The following PPP5C variants were observed in gnomAD, a reference collection of about 807,000 sequenced individuals.
PPP5C encodes the protein serine/threonine-protein phosphatase 5.
Under a neutral mutation model 66.7 loss-of-function variants are expected in PPP5C, and 21 were observed. The ratio of observed to expected loss-of-function variants is 0.31; its 90% confidence interval spans 0.22 to 0.45. The LOEUF (loss-of-function observed/expected upper bound fraction) is 0.45, where lower values mean the gene tolerates loss of function less well. PPP5C is among the 20% of genes least tolerant of loss of function. PPP5C has a pLI of 1.00. For synonymous variants in PPP5C, 246 were observed against 257.4 expected, an observed-to-expected ratio of 0.96 and a Z score of 0.43; for missense variants, 464 against 675.9, an observed-to-expected ratio of 0.69 and a Z score of 3.48.
chr19:46,349,982 G>A (rs1301472819), intron 1 of PPP5C, among the ~76,000 whole-genome samples: 2 of 151,064 alleles, frequency 1.3e-5, no homozygotes, highest in East Asian at 2.0e-4. Context: ...AGTAGATTGC[G>A]CAGGGCTGTA....
At chr19:46,352,768 G>A (rs562216831) in intron 1 of PPP5C, among the ~76,000 whole-genome samples, 250 of 150,902 alleles carry the variant, frequency 1.7e-3, no homozygotes, top group African/African-American at 5.8e-3. Flanking sequence ...TGCAGTGAGC[G>A]GAGATCGCAC....
intron 1 of PPP5C, 28 bp downstream of exon 1, chr19:46,347,245 C>T (rs1007360127): frequency 2.5e-6 from 4 of 1,587,864 alleles, no homozygotes; most frequent in Admixed American, 1.8e-5. Context: ...GGAGGGTGGA[C>T]AGTGGCCCAG....
intron 2 of PPP5C, 133 bp downstream of exon 2, chr19:46,354,122 C>T: frequency 2.2e-6 from 3 of 1,355,568 alleles, no homozygotes; most frequent in Admixed American, 2.3e-5. Context: ...CCTGTGGGGC[C>T]TTGGGCCCAG....
In PPP5C at chr19:46,390,696, C is replaced by T. The variant is rs1973005966; in HGVS notation, c.*350C>T. ...CCCCACTCAAGCAATAGGGCCCCGC[C>T]ATAGGAAGACCCCCAGAGAGAGGGT... On this transcript the variant is annotated 3_prime_UTR_variant, in exon 13 of 13. Coordinates refer to ENST00000012443, the MANE Select transcript of PPP5C (RefSeq NM_006247.4). 1 of 1,200,506 alleles carries T rather than the reference C, an allele frequency of 8.3e-7. No homozygotes were observed. Among genetic ancestry groups the T allele is most frequent in the Non-Finnish European group, 1.0e-6 (1 of 952,796 alleles). The allele number at this position is 1,200,506 out of a possible 1,614,324, so 74.4% of individuals were successfully genotyped here. A position where few individuals can be genotyped will look rare whatever the true frequency, so the allele number is the denominator to read the frequency against.
Position 46,376,622 on chromosome 19 carries a change from T to A in PPP5C, c.633+48T>A. ...GGCACCCGGGAACCCTGGGATGGCATCACAGCACTGCCAGCCGCGGGCACT... is the reference window on the plus strand; with the variant it reads ...GGCACCCGGGAACCCTGGGATGGCAACACAGCACTGCCAGCCGCGGGCACT... On this transcript the variant is annotated intron_variant, in intron 4 of 12. Transcript: ENST00000012443. The surrounding 1 kb of genome is among the most constrained non-coding windows in gnomAD (Gnocchi z 5.1). The A allele has an allele frequency of 6.2e-7, 1 of 1,600,612 alleles. No individual in the cohort carries two copies. The highest frequency in any genetic ancestry group is 1.8e-4 in the Middle Eastern group (1 of 5,692).
intron 9 of PPP5C, chr19:46,387,795 G>A (rs1972917425): frequency 7.7e-6 from 9 of 1,171,082 alleles, no homozygotes; most frequent in Non-Finnish European, 8.9e-6. Context: ...TCACCCACAG[G>A]TGCACACGCA....
Position 46,388,229 on chromosome 19 carries a change from G to T in PPP5C, c.1136-179G>T. Reference sequence around the variant, plus strand: ...GGGCAGATCAGCAGAGAGGGTGGGGGTGGCTCAGAATCACAGTCACCTGTC... The same window carrying T: ...GGGCAGATCAGCAGAGAGGGTGGGGTTGGCTCAGAATCACAGTCACCTGTC... On this transcript the variant is annotated intron_variant, in intron 9 of 12. Coordinates refer to ENST00000012443, the MANE Select transcript of PPP5C (RefSeq NM_006247.4). This position sits in a 1 kb window ranked among gnomAD's most constrained non-coding sequence, Gnocchi z 4.9. 2 of 638,480 alleles carry T rather than the reference G, an allele frequency of 3.1e-6. No homozygotes were observed. The highest frequency in any genetic ancestry group is 4.7e-5 in the South Asian group (2 of 42,826). The allele number at this position is 638,480 out of a possible 1,614,324, so 39.6% of individuals were successfully genotyped here. A position where few individuals can be genotyped will look rare whatever the true frequency, so the allele number is the denominator to read the frequency against.
chr19:46,382,996 C>T lies in PPP5C; in HGVS notation c.634-415C>T, dbSNP rs150187691. On this transcript the variant is annotated intron_variant, in intron 4 of 12. Coordinates refer to ENST00000012443, the MANE Select transcript of PPP5C (RefSeq NM_006247.4). ...GCGTCCGTTGAAAGCACCAGTGTTG[C>T]CTATGACCTGCCTTTTTACCTCTTT... is the stretch of plus-strand genomic sequence containing the variant. 147 of 1,102,574 alleles carry T rather than the reference C, an allele frequency of 1.3e-4. 1 individual carries two copies. In the African/African-American group the frequency reaches 2.3e-3, roughly 17 times the overall value. 68.3% of individuals were successfully genotyped at this position (1,102,574 alleles called of 1,614,324 possible).
intron 4 of PPP5C, among the ~76,000 whole-genome samples, chr19:46,377,076 A>G (rs1972709242): frequency 6.6e-6 from 1 of 152,128 alleles, no homozygotes; most frequent in Non-Finnish European, 1.5e-5. Flanking sequence ...GGCTACAGGG[A>G]CCTTACCATA....
intron 2 of PPP5C, among the ~76,000 whole-genome samples, chr19:46,369,255 C>T (rs2147380936): frequency 6.6e-6 from 1 of 152,324 alleles, no homozygotes; most frequent in East Asian, 1.9e-4. Flanking sequence ...GCCGAGTGCT[C>T]CTAGGCTACA....
At chr19:46,368,245 G>A (rs1285168044) in intron 2 of PPP5C, among the ~76,000 whole-genome samples, 2 of 152,228 alleles carry the variant, frequency 1.3e-5, no homozygotes, top group Non-Finnish European at 2.9e-5. Flanking sequence ...CTGGAGAATG[G>A]CAGGGGATTA....
intron 1 of PPP5C, among the ~76,000 whole-genome samples, chr19:46,349,271 G>A (rs919517863): frequency 1.3e-5 from 2 of 151,968 alleles, no homozygotes; most frequent in Non-Finnish European, 2.9e-5. Flanking sequence ...TCCAGCCTGG[G>A]CAACAGACTC....
At chr19:46,362,106 C>T (rs909101997) in intron 2 of PPP5C, among the ~76,000 whole-genome samples, 3 of 152,176 alleles carry the variant, frequency 2.0e-5, no homozygotes, top group Non-Finnish European at 1.5e-5. Context: ...GTATAACCTT[C>T]CTTACCAAAA....
At position 46,388,101 on chromosome 19, in the gene PPP5C, C is replaced by T. The variant is rs572292711; in HGVS notation, c.1136-307C>T. On this transcript the variant is annotated intron_variant, in intron 9 of 12. Transcript: ENST00000012443. The surrounding 1 kb of genome is among the most constrained non-coding windows in gnomAD (Gnocchi z 4.9). ...GAGGAACTTTGTTCCTAGGGCAGTG[C>T]GGAGCCACCAAAGGCTTTGAGTGGG... 31 of 378,052 alleles carry T rather than the reference C, an allele frequency of 8.2e-5. No individual in the cohort carries two copies. In the East Asian group the frequency reaches 9.9e-4, roughly 12 times the overall value. The allele number at this position is 378,052 out of a possible 1,614,324, so 23.4% of individuals were successfully genotyped here.
rs1284098614 is a variant in PPP5C at position 46,376,974 on chromosome 19, G to C, written c.633+400G>C. Among the ~76,000 whole-genome samples the C allele has an allele frequency of 6.6e-6, 1 of 152,176 alleles. No individual in the cohort carries two copies. The highest frequency in any genetic ancestry group is 1.5e-5 in the Non-Finnish European group (1 of 68,018). On this transcript the variant is annotated intron_variant, in intron 4 of 12. Transcript: ENST00000012443. This position sits in a 1 kb window ranked among gnomAD's most constrained non-coding sequence, Gnocchi z 5.1. ...CTGAGACCACCCCCTCCCCGACCTA[G>C]GAGGGCAGCTGGCCACAGGGTGTTA...
At chr19:46,352,606 G>A (rs1205249842) in intron 1 of PPP5C, among the ~76,000 whole-genome samples, 1 of 152,156 alleles carries the variant, frequency 6.6e-6, no homozygotes, top group Non-Finnish European at 1.5e-5. Flanking sequence ...GGATCACGAG[G>A]TCAGGAGATC....
At chr19:46,354,800 A>T (rs1253716823) in intron 2 of PPP5C, among the ~76,000 whole-genome samples, 1 of 152,068 alleles carries the variant, frequency 6.6e-6, no homozygotes, top group East Asian at 1.9e-4. Flanking sequence ...CTGTCTCAAA[A>T]AAAAAAACAA....
At chr19:46,374,596 G>A (rs61610021) in intron 2 of PPP5C, among the ~76,000 whole-genome samples, 2,209 of 152,272 alleles carry the variant, frequency 0.015, 60 homozygotes, top group African/African-American at 0.051. Flanking sequence ...ATAAGGTTGC[G>A]GGGATAGGGC....
Position 46,376,386 on chromosome 19 carries a change from C to T in PPP5C, c.512-67C>T, listed in dbSNP as rs1165041978. On this transcript the variant is annotated intron_variant, in intron 3 of 12. Coordinates refer to ENST00000012443, the MANE Select transcript of PPP5C (RefSeq NM_006247.4). The surrounding 1 kb of genome is among the most constrained non-coding windows in gnomAD (Gnocchi z 5.1). ...CCCAAGTTTTCCCCATCCCTGGGAG[C>T]GAGACCCCCTTCTCCCTCATAGTGG... 30 of 1,576,354 alleles carry T rather than the reference C, an allele frequency of 1.9e-5. No homozygotes were observed. The highest frequency in any genetic ancestry group is 4.5e-5 in the East Asian group (2 of 44,406).
Sources: gnomAD v4.1 joint callset for allele counts (sites outside exome capture counted in the v4.1 genomes callset) on GRCh38, gnomAD v4.1.1 for gene constraint, Gnocchi (gnomAD v3.1) non-coding constraint, MANE v1.5 for transcripts, NCBI Gene and HGNC (gene_info 2026-07-23, HGNC 2026-07-21) for gene names.